Variants in KHK observed in about 807,000 individuals in gnomAD.
KHK encodes the protein fructokinase.
In KHK, 37 loss-of-function variants were observed where a neutral mutation model predicts 36.0. The ratio of observed to expected loss-of-function variants is 1.03; its 90% CI spans 0.79 to 1.35. The LOEUF is 1.35. Ranked by LOEUF, KHK falls within the 40% of genes most tolerant of loss-of-function variation. KHK has a pLI of 0.00. For synonymous variants in KHK, 161 were observed against 162.8 expected, an observed-to-expected ratio of 0.99 and a Z score of 0.08; for missense variants, 395 against 391.9, an observed-to-expected ratio of 1.01 and a Z score of -0.07.
intron 2 of KHK, chr2:27,094,086 T>C (rs1182509542): frequency 5.6e-6 from 2 of 355,476 alleles, no homozygotes; most frequent in Admixed American, 3.8e-5. Flanking sequence ...TTATTAATCC[T>C]GTTTGGGCAT....
Position 27,093,481 on chromosome 2 carries a change from C to T in KHK, c.209+1033C>T, listed in dbSNP as rs527810626. Among the ~76,000 whole-genome samples, 17 of 152,312 alleles carry T rather than the reference C, an allele frequency of 1.1e-4. No homozygotes were observed. The South Asian group carries it at 3.3e-3, about 30-fold the overall frequency. On this transcript the variant is annotated intron_variant, in intron 2 of 7. Coordinates refer to ENST00000260598, the MANE Select transcript of KHK (RefSeq NM_006488.3). The stretch of plus-strand genomic sequence containing the variant: ...ATGTGCTCGACAAACATTTAGAGAG[C>T]ACCTACCATGTCCCAGGCACTGGGG...
At chr2:27,098,295 A>C (rs1558451214) in intron 5 of KHK, among the ~76,000 whole-genome samples, 1 of 152,062 alleles carries the variant, frequency 6.6e-6, no homozygotes, top group Non-Finnish European at 1.5e-5. Context: ...CTGAGGTAGG[A>C]GGATTGCTTG....
At chr2:27,098,983 T>TG (rs1397950452) in intron 5 of KHK, 1 of 534,990 alleles carries the variant, frequency 1.9e-6, no homozygotes, top group South Asian at 2.0e-5. Flanking sequence ...GAAGATCATA[T>TG]GGGGCCAGGA....
rs1391761274 is a variant in KHK, at chr2:27,098,621, GTTT to G, written c.565-571_565-569del. 1.3e-5 allele frequency among the ~76,000 whole-genome samples: 2 copies of G among 152,154 alleles called. 1 individual carries two copies. The highest frequency in any genetic ancestry group is 1.3e-4 in the Admixed American group (2 of 15,286). ...GGTAGAGCCAAGGCTTCGGTGTTTT[GTTT>G]TTTGTTTTTACCAAAACTTTCTCTG... On this transcript the variant is annotated intron_variant, in intron 5 of 7. Transcript: ENST00000260598.
chr2:27,093,078 C>T (rs1016010227), intron 2 of KHK, among the ~76,000 whole-genome samples: 2 of 152,182 alleles, frequency 1.3e-5, no homozygotes, highest in South Asian at 4.1e-4. Context: ...CCTGGCGCTG[C>T]CGACTCAGCA....
At chr2:27,098,129 G>A (rs1375636729) in intron 5 of KHK, among the ~76,000 whole-genome samples, 7 of 152,120 alleles carry the variant, frequency 4.6e-5, no homozygotes, top group African/African-American at 9.7e-5. Flanking sequence ...ATGGAATTTG[G>A]GAAGTAATCC....
At position 27,092,443 on chromosome 2, in the gene KHK, T is replaced by G. The variant is rs770863474; in HGVS notation, c.204T>G (p.Val68=). Residue 68 remains valine (V), a synonymous_variant, in exon 2 of 8, where the codon GTT becomes GTG. Coordinates refer to ENST00000260598, the MANE Select transcript of KHK (RefSeq NM_006488.3). ...AFMGSMAPGH[V]ADFLVADFRR... is the part of the protein sequence containing the mutation. ...TGGGCTCAATGGCTCCTGGCCATGT[T>G]GCTGAGTAAGTCCAGGAGGGAGAGC... 6.2e-7 allele frequency: 1 copy of G among 1,611,876 alleles called. No homozygotes were observed. Among genetic ancestry groups the G allele is most frequent in the South Asian group, 1.1e-5 (1 of 90,986 alleles).
intron 5 of KHK, 45 bp downstream of exon 5, chr2:27,097,694 G>A (rs1479357924): frequency 6.2e-7 from 1 of 1,612,858 alleles, no homozygotes; most frequent in South Asian, 1.1e-5. Context: ...CAGCTAATTT[G>A]GTTCTTAAAG....
intron 4 of KHK, among the ~76,000 whole-genome samples, chr2:27,097,278 C>T (rs751639687): frequency 7.9e-5 from 12 of 152,214 alleles, no homozygotes; most frequent in Non-Finnish European, 1.5e-4. Context: ...AGGTCTTTCA[C>T]AGTATCTTTT....
chr2:27,089,313 G>T (rs1297317492), intron 1 of KHK, among the ~76,000 whole-genome samples: 1 of 152,040 alleles, frequency 6.6e-6, no homozygotes, highest in Non-Finnish European at 1.5e-5. Context: ...AAGGGGCACG[G>T]GCATGCCACT....
At chr2:27,094,397 C>T in intron 2 of KHK, 1 of 1,569,458 alleles carries the variant, frequency 6.4e-7, no homozygotes, top group East Asian at 2.2e-5. Context: ...TTCAGGGTCC[C>T]TAGTGGCCCT....
At position 27,099,227 on chromosome 2, in the gene KHK, T is replaced by TG. The variant is rs1323645787; in HGVS notation, c.600dup (p.Phe201ValfsTer27). On this transcript the variant is annotated frameshift_variant, in exon 6 of 8. Coordinates refer to ENST00000260598, the MANE Select transcript of KHK (RefSeq NM_006488.3). LOFTEE classifies it high-confidence loss of function. ...GTCAGCAAAGATGTGGCCAAGCACT[T>TG]GGGGTTCCAGTCAGCAGAGGAAGCC... is the stretch of plus-strand genomic sequence containing the variant. 5 of 1,614,082 alleles carry TG rather than the reference T, an allele frequency of 3.1e-6. No individual in the cohort carries two copies. The highest frequency in any genetic ancestry group is 4.2e-6 in the Non-Finnish European group (5 of 1,180,024).
intron 3 of KHK, among the ~76,000 whole-genome samples, chr2:27,095,287 G>A (rs1371505804): frequency 6.6e-6 from 1 of 152,168 alleles, no homozygotes; most frequent in East Asian, 1.9e-4. Flanking sequence ...ACAGAAGGGT[G>A]GGAGATGGGA....
chr2:27,091,847 G>C (rs1670023002), intron 1 of KHK, among the ~76,000 whole-genome samples: 1 of 152,016 alleles, frequency 6.6e-6, no homozygotes, highest in Non-Finnish European at 1.5e-5. Flanking sequence ...TTATAGCTCT[G>C]CAGTTTCTAT....
intron 2 of KHK, among the ~76,000 whole-genome samples, chr2:27,093,701 T>A (rs185205423): frequency 5.3e-5 from 8 of 152,292 alleles, no homozygotes; most frequent in African/African-American, 1.9e-4. Context: ...CTGCTGGGCA[T>A]AATTGCCAGT....
intron 3 of KHK, among the ~76,000 whole-genome samples, chr2:27,096,335 A>G (rs995824365): frequency 6.6e-5 from 10 of 152,188 alleles, no homozygotes; most frequent in Non-Finnish European, 1.3e-4. Flanking sequence ...CAGACAGCCC[A>G]GGCAGGGGGT....
At chr2:27,088,884 G>C (rs764133611) in intron 1 of KHK, among the ~76,000 whole-genome samples, 2 of 152,182 alleles carry the variant, frequency 1.3e-5, no homozygotes, top group African/African-American at 2.4e-5. Context: ...TCGCAGCTAA[G>C]AACTGGATAA....
chr2:27,092,353 G>A lies in KHK; in HGVS notation c.114G>A (p.Gln38=). ...SEIRCLSQRW[Q]RGGNASNSCT... is the part of the protein sequence containing the mutation. ...GCAGGTGTTTGTCCCAGAGATGGCA[G>A]CGCGGAGGCAACGCGTCCAACTCCT... Residue 38 remains glutamine (Q), a synonymous_variant, in exon 2 of 8, where the codon CAG becomes CAA. Transcript: ENST00000260598. 1 of 1,613,224 alleles carries A rather than the reference G, an allele frequency of 6.2e-7. No individual in the cohort carries two copies. Among genetic ancestry groups the A allele is most frequent in the Admixed American group, 1.7e-5 (1 of 60,026 alleles).
At chr2:27,094,322 C>A in intron 2 of KHK, 1 of 858,942 alleles carries the variant, frequency 1.2e-6, no homozygotes, top group Non-Finnish European at 1.9e-6. Flanking sequence ...TGCCCTGTTG[C>A]ACTGCCTGTG....
Sources: allele counts gnomAD v4.1 joint callset (sites outside exome capture counted in the v4.1 genomes callset), GRCh38; gene constraint gnomAD v4.1.1; transcripts MANE v1.5; gene names NCBI Gene and HGNC (gene_info 2026-07-23, HGNC 2026-07-21).